SPIDR: variants seen among roughly 807,000 people sequenced by gnomAD.
The protein encoded by SPIDR is scaffold protein involved in DNA repair.
A neutral mutation model predicts 104.6 loss-of-function variants in SPIDR; 93 were observed. The ratio of observed to expected loss-of-function variants is 0.89; its 90% CI spans 0.75 to 1.06. SPIDR has a LOEUF of 1.06. Ranked by LOEUF, SPIDR falls within the 50% of genes least tolerant of loss-of-function variation. The pLI is 0.00. For missense variants in SPIDR, 1,154 were observed against 1,111.2 expected (o/e 1.04, Z -0.55); for synonymous variants, 431 against 416.9 (o/e 1.03, Z -0.41).
intron 8 of SPIDR, among the ~76,000 whole-genome samples, chr8:47,580,171 T>A (rs1004521922): frequency 1.3e-5 from 2 of 152,200 alleles, no homozygotes; most frequent in Non-Finnish European, 2.9e-5. Flanking sequence ...GAGCAGGTGA[T>A]GGAAAAGTGA....
intron 10 of SPIDR, among the ~76,000 whole-genome samples, chr8:47,645,781 A>G (rs2154449240): frequency 6.6e-6 from 1 of 152,342 alleles, no homozygotes; most frequent in South Asian, 2.1e-4. Flanking sequence ...ATGGGTAAGG[A>G]CAGTAGGTTA....
At chr8:47,325,481 T>C (rs781833083) in intron 5 of SPIDR, among the ~76,000 whole-genome samples, 6 of 152,228 alleles carry the variant, frequency 3.9e-5, no homozygotes, top group East Asian at 1.9e-4. Flanking sequence ...CATGGACTTA[T>C]TTCAGTTGGT....
At chr8:47,715,964 C>CTTTTTTTT (rs965625857) in intron 16 of SPIDR, among the ~76,000 whole-genome samples, 6 of 127,104 alleles carry the variant, frequency 4.7e-5, no homozygotes, top group African/African-American at 6.0e-5. Context: ...TCTCTTTTTT[C>CTTTTTTTT]TTTTTTTTTT....
chr8:47,688,015 A>G (rs2078045290), intron 11 of SPIDR, among the ~76,000 whole-genome samples: 2 of 62,464 alleles, frequency 3.2e-5, no homozygotes, highest in Non-Finnish European at 7.6e-5. Context: ...CAAAAAAAAA[A>G]AGTGTGTGTG....
At chr8:47,583,305 CAAA>C (rs34756645) in intron 8 of SPIDR, among the ~76,000 whole-genome samples, 4 of 111,114 alleles carry the variant, frequency 3.6e-5, no homozygotes, top group Admixed American at 9.7e-5. Context: ...GACTCCATCT[CAAA>C]AAAAAAAAAA....
At chr8:47,315,936 C>T (rs587643749) in intron 5 of SPIDR, among the ~76,000 whole-genome samples, 1 of 152,202 alleles carries the variant, frequency 6.6e-6, no homozygotes, top group South Asian at 2.1e-4. Flanking sequence ...GCAAAGGTTT[C>T]CTTGATAGGA....
At chr8:47,601,401 A>G (rs1222673127) in intron 10 of SPIDR, among the ~76,000 whole-genome samples, 2 of 152,186 alleles carry the variant, frequency 1.3e-5, no homozygotes, top group Non-Finnish European at 2.9e-5. Context: ...TAGAGTTTAA[A>G]AGAAAAGGGA....
chr8:47,331,987 C>CTTTTTTTTTTTTTTTTTTTTTTTT (rs2048793130), intron 5 of SPIDR, among the ~76,000 whole-genome samples: 2 of 27,506 alleles, frequency 7.3e-5, no homozygotes, highest in Admixed American at 4.5e-4. Context: ...TTTTTTTTTT[C>CTTTTTTTTTTTTTTTTTTTTTTTT]TCTTTTTTTT....
intron 5 of SPIDR, among the ~76,000 whole-genome samples, chr8:47,362,048 G>C (rs577279853): frequency 1.2e-4 from 19 of 152,320 alleles, no homozygotes; most frequent in African/African-American, 4.1e-4. Context: ...CGTACTGGTG[G>C]CCAGAAGTGT....
At chr8:47,578,658 A>T (rs1182390211) in intron 8 of SPIDR, among the ~76,000 whole-genome samples, 1 of 152,192 alleles carries the variant, frequency 6.6e-6, no homozygotes, top group Non-Finnish European at 1.5e-5. Context: ...CTGTAGACAG[A>T]TCCTACTGCC....
chr8:47,574,691 C>T (rs2058876141), intron 8 of SPIDR, among the ~76,000 whole-genome samples: 4 of 151,236 alleles, frequency 2.6e-5, no homozygotes, highest in Admixed American at 2.6e-4. Context: ...GAGGCTGAGG[C>T]AGGAGAATTG....
At chr8:47,473,984 A>G (rs1365735797) in intron 8 of SPIDR, among the ~76,000 whole-genome samples, 2 of 152,166 alleles carry the variant, frequency 1.3e-5, no homozygotes, top group Non-Finnish European at 1.5e-5. Flanking sequence ...TCACCCAACA[A>G]TAGTGCTTTC....
In SPIDR at chr8:47,624,277, C is replaced by G. The variant is rs1194508177; in HGVS notation, c.1544+25081C>G. Among the ~76,000 whole-genome samples, 188 of 152,204 alleles carry G rather than the reference C, an allele frequency of 1.2e-3. 1 individual carries two copies. Among genetic ancestry groups the G allele is most frequent in the Middle Eastern group, 3.4e-3 (1 of 294 alleles). ...TTGATAGCACTAAATGCCCACAACA[C>G]AAAGCAGGAAAGATCTAAAATTGAC... On this transcript the variant is annotated intron_variant, in intron 10 of 19. Transcript: ENST00000297423.
chr8:47,509,639 A>C (rs1213688364), intron 8 of SPIDR, among the ~76,000 whole-genome samples: 1 of 152,202 alleles, frequency 6.6e-6, no homozygotes, highest in Non-Finnish European at 1.5e-5. Context: ...TTTTCAGCCT[A>C]CTTTCACATT....
chr8:47,355,342 T>C (rs370653158), intron 5 of SPIDR, among the ~76,000 whole-genome samples: 37 of 146,824 alleles, frequency 2.5e-4, no homozygotes, highest in African/African-American at 8.9e-4. Flanking sequence ...TTTTTGCTCA[T>C]GTCTGGTAAT....
intron 8 of SPIDR, chr8:47,528,278 T>C (rs560166964): frequency 2.6e-5 from 4 of 152,252 alleles, no homozygotes; most frequent in Admixed American, 2.0e-4. Flanking sequence ...TAAATACATA[T>C]CTCATGTAAA....
chr8:47,690,406 A>G (rs868128821), intron 11 of SPIDR, among the ~76,000 whole-genome samples: 40 of 151,330 alleles, frequency 2.6e-4, no homozygotes, highest in African/African-American at 9.7e-4. Flanking sequence ...TATGTCCCCA[A>G]TCTTGAGTCA....
At chr8:47,584,322 G>C (rs2060047087) in intron 8 of SPIDR, among the ~76,000 whole-genome samples, 1 of 152,106 alleles carries the variant, frequency 6.6e-6, no homozygotes. Flanking sequence ...GAGAAGAATG[G>C]ACAAGATTTC....
At chr8:47,572,884 T>C (rs2058697207) in intron 8 of SPIDR, among the ~76,000 whole-genome samples, 1 of 152,128 alleles carries the variant, frequency 6.6e-6, no homozygotes, top group Non-Finnish European at 1.5e-5. Flanking sequence ...TGCCGCTGCC[T>C]GTCCCCAAGG....
Sources: allele counts gnomAD v4.1 joint callset (sites outside exome capture counted in the v4.1 genomes callset), GRCh38; gene constraint gnomAD v4.1.1; transcripts MANE v1.5; gene names NCBI Gene and HGNC (gene_info 2026-07-23, HGNC 2026-07-21).